INSR: variants seen among roughly 807,000 people sequenced by gnomAD.
INSR encodes the protein insulin receptor.
INSR carries 67 observed loss-of-function variants against 142.6 expected under a neutral mutation model. The ratio of observed to expected loss-of-function variants is 0.47; its 90% confidence interval spans 0.39 to 0.58. The LOEUF (loss-of-function observed/expected upper bound fraction) is 0.58, where lower values mean the gene tolerates loss of function less well. Ranked by LOEUF, INSR falls within the 20% of genes least tolerant of loss-of-function variation. INSR has a pLI of 0.00. For missense variants in INSR, 1,248 were observed against 1,833.2 expected (o/e 0.68, Z 5.83); for synonymous variants, 756 against 743.1 (o/e 1.02, Z -0.28).
rs1233268201 is a variant in INSR at position 7,140,274 on chromosome 19, A to AAC, written c.2682+1402_2682+1403insGT. 5.9e-5 allele frequency among the ~76,000 whole-genome samples: 9 copies of AAC among 152,316 alleles called. No individual in the cohort carries two copies. The East Asian group carries it at 1.7e-3, about 29-fold the overall frequency. On this transcript the variant is annotated intron_variant, in intron 13 of 21. Transcript: ENST00000302850. Reference sequence around the variant, plus strand: ...TCCAGGAAATCAGACATTTTGCTGTAATCTCTGTTAGTTGTTGGCAAACTC... The same window carrying AAC: ...TCCAGGAAATCAGACATTTTGCTGTAACATCTCTGTTAGTTGTTGGCAAACTC...
intron 16 of INSR, 91 bp downstream of exon 16, chr19:7,126,493 G>C: frequency 8.3e-7 from 1 of 1,200,612 alleles, no homozygotes. Context: ...GCCTCCCTGG[G>C]GAACCCATCC....
chr19:7,167,593 G>A (rs1973916758), intron 7 of INSR, among the ~76,000 whole-genome samples: 2 of 150,394 alleles, frequency 1.3e-5, no homozygotes, highest in Admixed American at 1.3e-4. Context: ...AAAAAAAATT[G>A]GGGATAAAAA....
At chr19:7,241,699 C>T (rs926786837) in intron 2 of INSR, among the ~76,000 whole-genome samples, 1 of 152,174 alleles carries the variant, frequency 6.6e-6, no homozygotes, top group East Asian at 1.9e-4. Flanking sequence ...TATCCGGAGA[C>T]ATTTTTGGTT....
intron 17 of INSR, among the ~76,000 whole-genome samples, chr19:7,124,539 AG>A (rs1383354139): frequency 0.081 from 1,570 of 19,294 alleles, 436 homozygotes; most frequent in East Asian, 0.25. Context: ...ACTCCGTTTC[AG>A]GAAAAAAAAA....
chr19:7,222,539 A>G (rs1055305483), intron 2 of INSR, among the ~76,000 whole-genome samples: 2 of 152,058 alleles, frequency 1.3e-5, no homozygotes, highest in African/African-American at 4.8e-5. Context: ...GACTACAGCC[A>G]TGGGCCACCA....
chr19:7,221,529 G>A (rs1184274803), intron 2 of INSR, among the ~76,000 whole-genome samples: 2 of 152,008 alleles, frequency 1.3e-5, no homozygotes, highest in South Asian at 2.1e-4. Context: ...CCAGCACGGC[G>A]AAACCCCGTC....
chr19:7,286,542 C>A (rs149964593), intron 1 of INSR, among the ~76,000 whole-genome samples: 1 of 151,408 alleles, frequency 6.6e-6, no homozygotes, highest in East Asian at 1.9e-4. Flanking sequence ...TACACACCAC[C>A]ATGCTCAGCT....
intron 1 of INSR, among the ~76,000 whole-genome samples, chr19:7,289,727 G>A (rs374447894): frequency 1.5e-4 from 23 of 152,182 alleles, no homozygotes; most frequent in African/African-American, 3.9e-4. Context: ...AACAAAGAGA[G>A]GAGAAAGAGC....
intron 15 of INSR, among the ~76,000 whole-genome samples, chr19:7,128,222 T>A (rs1972691286): frequency 6.6e-6 from 1 of 151,732 alleles, no homozygotes; most frequent in South Asian, 2.1e-4. Flanking sequence ...TACTTTTTTT[T>A]TTTTTCCCGA....
At chr19:7,268,231 T>C (rs1967801779) in intron 1 of INSR, among the ~76,000 whole-genome samples, 2 of 151,974 alleles carry the variant, frequency 1.3e-5, no homozygotes, top group Admixed American at 1.3e-4. Flanking sequence ...AGGGGAACTG[T>C]CTCCAGTGCG....
At chr19:7,285,481 T>C (rs1968323942) in intron 1 of INSR, among the ~76,000 whole-genome samples, 1 of 150,460 alleles carries the variant, frequency 6.6e-6, no homozygotes, top group Non-Finnish European at 1.5e-5. Flanking sequence ...TAAATAACAA[T>C]AAAAACTAGC....
At chr19:7,163,925 T>TAAAAAAAAAAAAAA (rs748862314) in intron 8 of INSR, among the ~76,000 whole-genome samples, 1,123 of 44,476 alleles carry the variant, frequency 0.025, 103 homozygotes, top group Non-Finnish European at 0.033. Flanking sequence ...CTATCTCTAC[T>TAAAAAAAAAAAAAA]AAAAAAAAAA....
intron 2 of INSR, among the ~76,000 whole-genome samples, chr19:7,211,678 GA>G (rs1290092812): frequency 6.6e-6 from 1 of 152,178 alleles, no homozygotes; most frequent in Admixed American, 6.6e-5. Flanking sequence ...CTCAACAGCT[GA>G]CTCTACTCCC....
chr19:7,166,335 G>A lies in INSR; in HGVS notation c.1680C>T (p.Asp560=), dbSNP rs1174624986. The stretch of plus-strand genomic sequence containing the variant: ...CGTTGGACCTCAGGGGTGGGTCAAT[G>A]TCTACCACCGTCCAACTGTTGGAAC... The part of the protein sequence containing the change: ...ACGSNSWTVV[D]IDPPLRSNDP... The change falls in exon 8 of 22, where the codon GAC becomes GAT. Residue 560 remains aspartate, a synonymous_variant. Coordinates refer to ENST00000302850, the MANE Select transcript of INSR (RefSeq NM_000208.4). This position sits in a 1 kb window ranked among gnomAD's most constrained non-coding sequence, Gnocchi z 4.1. 3.1e-6 allele frequency: 5 copies of A among 1,614,100 alleles called. No homozygotes were observed. The highest frequency in any genetic ancestry group is 4.2e-6 in the Non-Finnish European group (5 of 1,179,996).
rs553054121 is a variant in INSR, at chr19:7,141,924, C to A, written c.2543-108G>T. 2.8e-5 allele frequency: 24 copies of A among 847,054 alleles called. No individual in the cohort carries two copies. In the African/African-American group the frequency reaches 3.5e-4, roughly 12 times the overall value. The allele number at this position is 847,054 out of a possible 1,614,324, so 52.5% of individuals were successfully genotyped here. Reference sequence around the variant, plus strand: ...GGCTGGTGACGTCATTTTCCCACAACCCATTTTCCTCGTCAGAGAACGGAC... The same window carrying A: ...GGCTGGTGACGTCATTTTCCCACAAACCATTTTCCTCGTCAGAGAACGGAC... On this transcript the variant is annotated intron_variant, in intron 12 of 21. Transcript: ENST00000302850.
At chr19:7,198,899 T>TC (rs1491198057) in intron 2 of INSR, among the ~76,000 whole-genome samples, 13 of 59,742 alleles carry the variant, frequency 2.2e-4, no homozygotes, top group Non-Finnish European at 6.2e-4. Flanking sequence ...ACACTTTTTT[T>TC]GGGGGGGGGG....
rs1972412725 is a variant in INSR at position 7,119,077 on chromosome 19, G to A, written c.3794+372C>T. On this transcript the variant is annotated intron_variant, in intron 21 of 21. Coordinates refer to ENST00000302850, the MANE Select transcript of INSR (RefSeq NM_000208.4). The surrounding 1 kb of genome is among the most constrained non-coding windows in gnomAD (Gnocchi z 5.2). ...AAAATCATATGATTTGTGAACACAA[G>A]CAGGCAGGTAAAGACATAATATGTA... Among the ~76,000 whole-genome samples, 2 of 152,138 alleles carry A rather than the reference G, an allele frequency of 1.3e-5. No homozygotes were observed. The highest frequency in any genetic ancestry group is 2.9e-5 in the Non-Finnish European group (2 of 68,036).
intron 11 of INSR, among the ~76,000 whole-genome samples, chr19:7,143,871 A>G (rs373374954): frequency 2.0e-4 from 30 of 152,306 alleles, no homozygotes; most frequent in African/African-American, 7.0e-4. Flanking sequence ...TCTGGCCAAC[A>G]TGGGGAAACC....
Position 7,231,200 on chromosome 19 carries a change from G to C in INSR, c.652+36145C>G, listed in dbSNP as rs534899550. ...GAACATTCTGGCAGCTCAGCAAAGA[G>C]GGGGGAAGAATTAATTTCGGATCCT... On this transcript the variant is annotated intron_variant, in intron 2 of 21. Transcript: ENST00000302850. Among the ~76,000 whole-genome samples, 7 of 152,334 alleles carry C rather than the reference G, an allele frequency of 4.6e-5. No homozygotes were observed. The East Asian group carries it at 5.8e-4, about 13-fold the overall frequency.
Sources: allele counts gnomAD v4.1 joint callset (sites outside exome capture counted in the v4.1 genomes callset), GRCh38; gene constraint gnomAD v4.1.1; non-coding constraint Gnocchi (gnomAD v3.1); transcripts MANE v1.5; gene names NCBI Gene and HGNC (gene_info 2026-07-23, HGNC 2026-07-21).